RABGAP1: variants seen among roughly 807,000 people sequenced by gnomAD.
RABGAP1 encodes the protein RAB GTPase activating protein 1.
In RABGAP1, 23 loss-of-function variants were observed where a neutral mutation model predicts 137.6. The observed-to-expected ratio is 0.17, with a 90% CI of 0.12 to 0.24. The LOEUF is 0.24. RABGAP1 is among the 10% of genes least tolerant of loss of function. The pLI is 1.00. For synonymous variants in RABGAP1, 451 were observed against 450.7 expected (o/e 1.00, Z -0.01); for missense variants, 906 against 1,275.8 (o/e 0.71, Z 4.42).
At chr9:123,038,177 A>G (rs2032767592) in intron 13 of RABGAP1, among the ~76,000 whole-genome samples, 1 of 152,130 alleles carries the variant, frequency 6.6e-6, no homozygotes, top group African/African-American at 2.4e-5. Flanking sequence ...CTTTAGTGAG[A>G]GCATTATCCT....
chr9:123,079,055 T>C (rs700068), intron 19 of RABGAP1, among the ~76,000 whole-genome samples: 94,961 of 152,058 alleles, frequency 0.62, 36,794 homozygotes, highest in Non-Finnish European at 0.86. Context: ...CATGCAATTA[T>C]ACGGATTTTC....
At chr9:123,069,435 G>A (rs924833207) in intron 14 of RABGAP1, among the ~76,000 whole-genome samples, 1 of 152,130 alleles carries the variant, frequency 6.6e-6, no homozygotes, top group Non-Finnish European at 1.5e-5. Context: ...AGAGAAGATG[G>A]ACATGTAAAA....
chr9:123,091,572 T>G (rs780366747), intron 21 of RABGAP1, among the ~76,000 whole-genome samples: 1 of 152,010 alleles, frequency 6.6e-6, no homozygotes, highest in Non-Finnish European at 1.5e-5. Context: ...GGTGGTAAAA[T>G]AATAGCTATG....
chr9:123,044,642 TG>T (rs1649599456), intron 13 of RABGAP1, among the ~76,000 whole-genome samples: 1 of 151,948 alleles, frequency 6.6e-6, no homozygotes, highest in Non-Finnish European at 1.5e-5. Flanking sequence ...TGTGTGTGTG[TG>T]TGTGTGTGTG....
chr9:123,104,569 G>T lies in RABGAP1; in HGVS notation c.*1356G>T, dbSNP rs2035445352. Reference sequence around the variant, plus strand: ...TATATAAAGACACTCGGGTTGTTTTGTAGCTCTTTTTCTTATTGGCTGTAC... The same window carrying T: ...TATATAAAGACACTCGGGTTGTTTTTTAGCTCTTTTTCTTATTGGCTGTAC... On this transcript the variant is annotated 3_prime_UTR_variant, in exon 26 of 26. Transcript: ENST00000373647. 1 of 152,504 alleles carries T rather than the reference G, an allele frequency of 6.6e-6. No individual in the cohort carries two copies. Among genetic ancestry groups the T allele is most frequent in the Non-Finnish European group, 1.5e-5 (1 of 68,036 alleles). The allele number at this position is 152,504 out of a possible 1,614,324, so 9.4% of individuals were successfully genotyped here.
chr9:122,990,781 AAAAAAAAAAAAAAAAATATATAT>A (rs1312926797), intron 6 of RABGAP1: 2 of 51,864 alleles, frequency 3.9e-5, no homozygotes, highest in Non-Finnish European at 7.4e-5. Context: ...AAAAAAAAAA[AAAAAAAAAAAAAAAAATATATAT>A]ATATATATAT....
At chr9:123,060,460 A>G (rs2033925031) in intron 13 of RABGAP1, among the ~76,000 whole-genome samples, 1 of 152,224 alleles carries the variant, frequency 6.6e-6, no homozygotes, top group African/African-American at 2.4e-5. Flanking sequence ...CTTTTTCTGT[A>G]GATGGACATT....
At chr9:122,971,852 A>G (rs774049168) in intron 2 of RABGAP1, 1 of 152,254 alleles carries the variant, frequency 6.6e-6, no homozygotes, top group African/African-American at 2.4e-5. Context: ...GTGTTCTATA[A>G]TAAGAGAATG....
chr9:123,064,259 C>G (rs1275006287), intron 13 of RABGAP1, among the ~76,000 whole-genome samples: 4 of 152,146 alleles, frequency 2.6e-5, no homozygotes, highest in Non-Finnish European at 5.9e-5. Context: ...CTGCCATTAA[C>G]TGTTAAGACT....
intron 13 of RABGAP1, among the ~76,000 whole-genome samples, chr9:123,050,806 A>G (rs1309684230): frequency 6.6e-6 from 1 of 152,236 alleles, no homozygotes; most frequent in African/African-American, 2.4e-5. Flanking sequence ...GGCCGAAGCA[A>G]AAATGAACAT....
intron 13 of RABGAP1, among the ~76,000 whole-genome samples, chr9:123,045,580 GTAATCT>G (rs2033167975): frequency 1.3e-5 from 2 of 152,086 alleles, no homozygotes; most frequent in Non-Finnish European, 2.9e-5. Context: ...AGTTAATTAG[GTAATCT>G]TAATCTGTCT....
chr9:123,089,218 G>A (rs570832287), intron 19 of RABGAP1, among the ~76,000 whole-genome samples: 4 of 152,148 alleles, frequency 2.6e-5, no homozygotes, highest in Non-Finnish European at 5.9e-5. Flanking sequence ...AGGGGATAGA[G>A]AGGTGCTAGG....
intron 2 of RABGAP1, among the ~76,000 whole-genome samples, chr9:122,958,548 G>C (rs113898399): frequency 5.3e-5 from 8 of 152,022 alleles, no homozygotes; most frequent in South Asian, 2.1e-4. Flanking sequence ...GTCGTGGGGT[G>C]GGGGGAGCAG....
intron 13 of RABGAP1, among the ~76,000 whole-genome samples, chr9:123,049,119 A>C (rs911984248): frequency 2.6e-5 from 4 of 152,220 alleles, no homozygotes; most frequent in Admixed American, 2.6e-4. Flanking sequence ...CTGCTTTTCT[A>C]TTTCAACGTG....
chr9:123,076,007 T>C (rs570844243), intron 17 of RABGAP1, among the ~76,000 whole-genome samples: 1 of 152,336 alleles, frequency 6.6e-6, no homozygotes, highest in East Asian at 1.9e-4. Flanking sequence ...AAAGCATTTC[T>C]TATTATTGAA....
chr9:122,954,969 G>A (rs974254563), intron 1 of RABGAP1, among the ~76,000 whole-genome samples: 2 of 152,194 alleles, frequency 1.3e-5, no homozygotes, highest in African/African-American at 4.8e-5. Context: ...AATAGATGCT[G>A]TAGAAAAATC....
intron 1 of RABGAP1, among the ~76,000 whole-genome samples, chr9:122,949,245 G>A (rs981566114): frequency 4.6e-5 from 7 of 152,090 alleles, no homozygotes; most frequent in African/African-American, 1.7e-4. Context: ...GGCTGCGGTG[G>A]CTCACACCTG....
chr9:123,101,384 T>C (rs1026994445), intron 24 of RABGAP1, among the ~76,000 whole-genome samples, 182 bp from the exon 25 acceptor site: 9 of 152,168 alleles, frequency 5.9e-5, no homozygotes, highest in African/African-American at 1.9e-4. Context: ...TTATTTTTGG[T>C]GTATAATACC....
chr9:122,996,691 A>G (rs1837037781), intron 8 of RABGAP1, 86 bp downstream of exon 8: 2 of 1,136,018 alleles, frequency 1.8e-6, no homozygotes, highest in Admixed American at 4.5e-5. Context: ...CTAGTGTTAA[A>G]ACATGTTTAA....
Sources: gnomAD v4.1 joint callset for allele counts (sites outside exome capture counted in the v4.1 genomes callset) on GRCh38, gnomAD v4.1.1 for gene constraint, MANE v1.5 for transcripts, NCBI Gene and HGNC (gene_info 2026-07-23, HGNC 2026-07-21) for gene names.